Variants in DNAH10 observed in about 807,000 individuals in gnomAD.
DNAH10 encodes dynein axonemal heavy chain 10, also known as axonemal beta dynein heavy chain 10.
DNAH10 carries 348 observed loss-of-function variants against 506.6 expected under a neutral mutation model. That is an observed-to-expected ratio of 0.69 (90% CI 0.63 to 0.75). The LOEUF is 0.75. DNAH10 is among the 30% of genes least tolerant of loss of function. The pLI is 0.00. For missense variants in DNAH10, 5,179 were observed against 5,787.1 expected (o/e 0.89, Z 3.41); for synonymous variants, 2,059 against 2,198.6 (o/e 0.94, Z 1.78).
At chr12:123,879,467 G>C in intron 49 of DNAH10, 110 bp downstream of exon 49, 1 of 1,448,512 alleles carries the variant, frequency 6.9e-7, no homozygotes, top group Non-Finnish European at 9.4e-7. Context: ...GGCACGAAAG[G>C]TCAATGGGGC....
chr12:123,919,750 C>T lies in DNAH10; in HGVS notation c.11506+801C>T, dbSNP rs540435598. 2.6e-5 allele frequency among the ~76,000 whole-genome samples: 4 copies of T among 152,366 alleles called. No individual in the cohort carries two copies. The East Asian group carries it at 7.7e-4, about 29-fold the overall frequency. ...ATGACTGGTATCTTTCACTCCACTCCGTGACCTCACGGTTCATCCGTGTTG... is the reference window on the plus strand; with the variant it reads ...ATGACTGGTATCTTTCACTCCACTCTGTGACCTCACGGTTCATCCGTGTTG... On this transcript the variant is annotated intron_variant, in intron 65 of 78. Transcript: ENST00000673944. This position sits in a 1 kb window ranked among gnomAD's most constrained non-coding sequence, Gnocchi z 4.9.
chr12:123,854,781 G>A (rs144820179), intron 36 of DNAH10, among the ~76,000 whole-genome samples: 20 of 152,278 alleles, frequency 1.3e-4, no homozygotes, highest in African/African-American at 4.8e-4. Context: ...TTCTTATTCA[G>A]TAAATCTATG....
Position 123,834,691 on chromosome 12 carries a change from C to T in DNAH10, c.4780-715C>T, listed in dbSNP as rs546715434. ...CAGTCATTCCCTACCATCTCCTCCC[C>T]CAGCACCTGGCAACCTCCAGTCTGT... On this transcript the variant is annotated intron_variant, in intron 27 of 78. Transcript: ENST00000673944. Among the ~76,000 whole-genome samples, 5 of 152,338 alleles carry T rather than the reference C, an allele frequency of 3.3e-5. No homozygotes were observed. In the South Asian group the frequency reaches 1.0e-3, roughly 32 times the overall value.
At chr12:123,893,695 G>A (rs1003240472) in intron 53 of DNAH10, among the ~76,000 whole-genome samples, 9 of 152,172 alleles carry the variant, frequency 5.9e-5, no homozygotes, top group Admixed American at 1.3e-4. Context: ...GTGGCTCCCC[G>A]CTTCCTTCCA....
Position 123,771,668 on chromosome 12 carries a change from C to G in DNAH10, c.366C>G (p.Asp122Glu), listed in dbSNP as rs769775681. The G allele has an allele frequency of 1.2e-6, 2 of 1,612,926 alleles. No homozygotes were observed. Among genetic ancestry groups the G allele is most frequent in the Non-Finnish European group, 1.7e-6 (2 of 1,179,500 alleles). Residue 122 changes from aspartate (D) to glutamate (E), a missense_variant, in exon 3 of 79, where the codon GAC becomes GAG. By Grantham distance (45) the Asp-to-Glu change is conservative. This residue lies in a region of DNAH10 where 326 missense variants were observed against 330.8 expected (regional missense o/e 0.99). Coordinates refer to ENST00000673944, the MANE Select transcript of DNAH10 (RefSeq NM_001372106.1). ...QPLNREDEEM[D>E]KEISEKLPSK... ...TAAACAGAGAGGATGAAGAAATGGA[C>G]AAAGAGATTTCAGAAAAACTCCCTT... is the stretch of plus-strand genomic sequence containing the variant.
chr12:123,859,939 A>G (rs1951551577), intron 38 of DNAH10, among the ~76,000 whole-genome samples: 1 of 151,588 alleles, frequency 6.6e-6, no homozygotes, highest in South Asian at 2.1e-4. Flanking sequence ...CTAAGGAGGG[A>G]GGATTGCTTG....
In DNAH10 at chr12:123,903,866, C is replaced by T. The variant is rs1000936603; in HGVS notation, c.9815+753C>T. ...CACAGACCCCTCGGCGTGGGAGCCT[C>T]AGCTCTCTCCTTCCCCACTCTTCAT... On this transcript the variant is annotated intron_variant, in intron 57 of 78. Transcript: ENST00000673944. The surrounding 1 kb of genome is among the most constrained non-coding windows in gnomAD (Gnocchi z 4.6). 1.1e-4 allele frequency among the ~76,000 whole-genome samples: 17 copies of T among 152,212 alleles called. No homozygotes were observed. Among genetic ancestry groups the T allele is most frequent in the African/African-American group, 4.1e-4 (17 of 41,436 alleles).
chr12:123,901,783 C>T (rs1463869304), intron 56 of DNAH10, among the ~76,000 whole-genome samples: 3 of 152,266 alleles, frequency 2.0e-5, no homozygotes, highest in African/African-American at 4.8e-5. Context: ...GCCTCAGCCT[C>T]CTGAGTAGCT....
chr12:123,773,089 G>T, intron 4 of DNAH10, 147 bp downstream of exon 4: 1 of 540,338 alleles, frequency 1.9e-6, no homozygotes, highest in Non-Finnish European at 3.2e-6. Flanking sequence ...GGGTTCTTAC[G>T]TAGTCTTCTC....
intron 24 of DNAH10, among the ~76,000 whole-genome samples, chr12:123,825,480 G>A (rs758552276): frequency 3.9e-5 from 6 of 152,268 alleles, no homozygotes; most frequent in South Asian, 2.1e-4. Context: ...AGTTCTCAGC[G>A]CATCCACGCA....
rs1420506026 is a variant in DNAH10 at position 123,787,963 on chromosome 12, T to C, written c.1581T>C (p.Tyr527=). 1 of 1,589,388 alleles carries C rather than the reference T, an allele frequency of 6.3e-7. No individual in the cohort carries two copies. The highest frequency in any genetic ancestry group is 8.6e-7 in the Non-Finnish European group (1 of 1,167,900). The change falls in exon 10 of 79, where the codon TAT becomes TAC. Residue 527 remains tyrosine, a synonymous_variant. Transcript: ENST00000673944. The surrounding 1 kb of genome is among the most constrained non-coding windows in gnomAD (Gnocchi z 4.6). ...AGCGGCTGTTCGAGAGGACGGATTA[T>C]ATGGCCACCATCTGCCAGGACCTCT... ...DRKRLFERTD[Y]MATICQDLSD... is the part of the protein sequence containing the mutation.
In DNAH10 at chr12:123,865,970, C is replaced by T. The variant is rs1436285798; in HGVS notation, c.7064C>T (p.Ala2355Val). ...ATCCAGGTTGGAGATTTACAGTATG[C>T]CTCCCCTGCAACTGTCTCTCGATGT... ...LLFEVGDLQY[A>V]SPATVSRCGM... The change falls in exon 41 of 79, where the codon GCC becomes GTC. Residue 2355 changes from alanine to valine, a missense_variant. Physicochemically the swap from Ala to Val is moderately conservative, Grantham distance 64. Around this residue, in one of 3 missense-constraint regions of DNAH10, gnomAD observed 4,844 missense variants for 5,430.5 expected, o/e 0.89. Transcript: ENST00000673944. 6.2e-7 allele frequency: 1 copy of T among 1,605,634 alleles called. No homozygotes were observed. Among genetic ancestry groups the T allele is most frequent in the East Asian group, 2.3e-5 (1 of 44,354 alleles).
In DNAH10 at chr12:123,879,653, G is replaced by T. The variant is rs1952414721; in HGVS notation, c.8486G>T (p.Ser2829Ile). Residue 2829 changes from serine to isoleucine, a missense_variant, in exon 50 of 79, where the codon AGC (serine) becomes ATC (isoleucine). Physicochemically the swap from Ser to Ile is moderately radical, Grantham distance 142 (BLOSUM62 -2). This residue lies in a region of DNAH10 where 4,844 missense variants were observed against 5,430.5 expected (regional missense o/e 0.89). Coordinates refer to ENST00000673944, the MANE Select transcript of DNAH10 (RefSeq NM_001372106.1). Reference sequence around the variant, plus strand: ...TTCAAGGTACAACAGCACATAGGCAGCTTGGTTGTGGAACATTTTAAAGAT... The same window carrying T: ...TTCAAGGTACAACAGCACATAGGCATCTTGGTTGTGGAACATTTTAAAGAT... ...DKQLVQQHIG[S>I]LVVEHFKDDV... is the part of the protein sequence containing the mutation. The T allele has an allele frequency of 6.2e-7, 1 of 1,614,046 alleles. No individual in the cohort carries two copies. Among genetic ancestry groups the T allele is most frequent in the African/African-American group, 1.3e-5 (1 of 75,060 alleles).
Position 123,918,247 on chromosome 12 carries a change from C to T in DNAH10, c.11233-429C>T, listed in dbSNP as rs555397810. On this transcript the variant is annotated intron_variant, in intron 64 of 78. Transcript: ENST00000673944. ...AGACTGGTCTGGCCTCACGTCCTCT[C>T]GGGTCCAAACCCAAAGGGGTAAGTG... Among the ~76,000 whole-genome samples the T allele has an allele frequency of 2.7e-4, 41 of 152,336 alleles. No individual in the cohort carries two copies. In the South Asian group the frequency reaches 3.7e-3, roughly 14 times the overall value.
chr12:123,826,578 G>T (rs1960013524), intron 24 of DNAH10, 109 bp from the exon 25 acceptor site: 3 of 902,170 alleles, frequency 3.3e-6, no homozygotes, highest in Non-Finnish European at 5.0e-6. Flanking sequence ...GTAGATAGAT[G>T]GGTAATACTT....
rs747523469 is a variant in DNAH10, at chr12:123,877,717, G to GA, written c.8200-19_8200-18insA. The GA allele has an allele frequency of 6.9e-6, 11 of 1,604,466 alleles. No individual in the cohort carries two copies. In the African/African-American group the frequency reaches 1.3e-4, roughly 20 times the overall value. On this transcript the variant is annotated intron_variant, in intron 47 of 78. Transcript: ENST00000673944. ...GAAGGACATTTGTGTGTTGGGGGGGGTGTCTTTGCATTTTTCAGACGTTTC... is the reference window on the plus strand; with the variant it reads ...GAAGGACATTTGTGTGTTGGGGGGGGATGTCTTTGCATTTTTCAGACGTTTC...
At chr12:123,921,691 G>GTTTTTTTTTTTTTTTTT (rs35553163) in intron 65 of DNAH10, among the ~76,000 whole-genome samples, 1 of 62,884 alleles carries the variant, frequency 1.6e-5, no homozygotes, top group Non-Finnish European at 2.8e-5. Flanking sequence ...GTAGCTTGCA[G>GTTTTTTTTTTTTTTTTT]TTTTTTTTTT....
At chr12:123,830,796 T>G in intron 26 of DNAH10, 97 bp downstream of exon 26, 2 of 1,030,704 alleles carry the variant, frequency 1.9e-6, no homozygotes, top group Non-Finnish European at 2.6e-6. Flanking sequence ...AAAAAAAAAA[T>G]TAGCTGAGCG....
At chr12:123,794,294 A>G (rs1330247109) in intron 12 of DNAH10, among the ~76,000 whole-genome samples, 182 bp downstream of exon 12, 2 of 152,228 alleles carry the variant, frequency 1.3e-5, no homozygotes, top group Non-Finnish European at 2.9e-5. Context: ...TAGTGGAGAA[A>G]TTCAATAAGA....
Sources: gnomAD v4.1 joint callset for allele counts (sites outside exome capture counted in the v4.1 genomes callset) on GRCh38, gnomAD v4.1.1 for gene constraint, gnomAD v4.1.1 regional missense constraint, Gnocchi (gnomAD v3.1) non-coding constraint, MANE v1.5 for transcripts, NCBI Gene and HGNC (gene_info 2026-07-23, HGNC 2026-07-21) for gene names.